RALGAPA2: variants seen among roughly 807,000 people sequenced by gnomAD.
RALGAPA2 encodes the protein Ral GTPase activating protein catalytic subunit alpha 2.
A neutral mutation model predicts 230.4 loss-of-function variants in RALGAPA2; 139 were observed. The ratio of observed to expected loss-of-function variants is 0.60; its 90% confidence interval spans 0.53 to 0.69. The LOEUF is 0.69. Ranked by LOEUF, RALGAPA2 falls within the 30% of genes least tolerant of loss-of-function variation. The probability of loss-of-function intolerance (pLI) is 0.00; values close to 1 mark genes in which losing one functional copy is unlikely to be tolerated. For missense variants in RALGAPA2, 2,163 were observed against 2,276.0 expected, an observed-to-expected ratio of 0.95 and a Z score of 1.01; for synonymous variants, 847 against 837.8, an observed-to-expected ratio of 1.01 and a Z score of -0.19.
intron 4 of RALGAPA2, among the ~76,000 whole-genome samples, chr20:20,652,817 T>C (rs2067450187): frequency 6.6e-6 from 1 of 152,206 alleles, no homozygotes; most frequent in African/African-American, 2.4e-5. Flanking sequence ...TAATTTGCTT[T>C]ATTTCAAGTT....
chr20:20,655,621 C>T (rs1218810854), intron 3 of RALGAPA2, among the ~76,000 whole-genome samples: 4 of 151,570 alleles, frequency 2.6e-5, no homozygotes, highest in Non-Finnish European at 4.4e-5. Context: ...GAGAGGCAGG[C>T]GAGGCTGGGG....
intron 16 of RALGAPA2, among the ~76,000 whole-genome samples, chr20:20,596,359 T>A (rs1282983280): frequency 6.6e-6 from 1 of 152,226 alleles, no homozygotes; most frequent in African/African-American, 2.4e-5. Flanking sequence ...AGCAATCATG[T>A]TAACTTAAAT....
intron 3 of RALGAPA2, among the ~76,000 whole-genome samples, chr20:20,658,998 T>C (rs2146654380): frequency 6.6e-6 from 1 of 151,840 alleles, no homozygotes; most frequent in Admixed American, 6.6e-5. Flanking sequence ...GAAAGCAGAG[T>C]GTGGGGAGCA....
intron 31 of RALGAPA2, among the ~76,000 whole-genome samples, chr20:20,518,567 G>A (rs1230736856): frequency 2.0e-5 from 3 of 152,134 alleles, no homozygotes; most frequent in Admixed American, 6.5e-5. Flanking sequence ...TAGTTAATAT[G>A]TCAGTGAATT....
chr20:20,500,069 TA>T (rs1191615819), intron 35 of RALGAPA2, among the ~76,000 whole-genome samples: 3 of 152,226 alleles, frequency 2.0e-5, no homozygotes, highest in African/African-American at 7.2e-5. Context: ...ATTTTATTGC[TA>T]AAAAATGCTA....
chr20:20,589,391 G>A, intron 17 of RALGAPA2, 26 bp from the exon 18 acceptor site: 2 of 1,555,460 alleles, frequency 1.3e-6, no homozygotes, highest in Non-Finnish European at 1.7e-6. Flanking sequence ...CAGGGGGGTA[G>A]CGGAAATAGA....
chr20:20,696,877 G>A (rs2069133167), intron 1 of RALGAPA2, among the ~76,000 whole-genome samples: 1 of 152,010 alleles, frequency 6.6e-6, no homozygotes, highest in Non-Finnish European at 1.5e-5. Context: ...ACCTGAAATT[G>A]TATCATATAT....
At chr20:20,585,146 A>C (rs896804114) in intron 18 of RALGAPA2, among the ~76,000 whole-genome samples, 191 bp from the exon 19 acceptor site, 1 of 152,224 alleles carries the variant, frequency 6.6e-6, no homozygotes, top group African/African-American at 2.4e-5. Flanking sequence ...AAGATCTGAA[A>C]CTTTAATTTA....
intron 37 of RALGAPA2, among the ~76,000 whole-genome samples, chr20:20,432,070 A>G (rs1211209918): frequency 6.6e-6 from 1 of 152,236 alleles, no homozygotes; most frequent in African/African-American, 2.4e-5. Context: ...TTTTTAAAGA[A>G]GCAGTTGGTG....
intron 37 of RALGAPA2, among the ~76,000 whole-genome samples, chr20:20,451,125 C>G (rs1424321284): frequency 6.6e-6 from 1 of 152,170 alleles, no homozygotes; most frequent in South Asian, 2.1e-4. Flanking sequence ...CAGCTTATTT[C>G]CAATGGCAAA....
At chr20:20,695,275 T>C (rs1204281559) in intron 1 of RALGAPA2, among the ~76,000 whole-genome samples, 2 of 152,222 alleles carry the variant, frequency 1.3e-5, no homozygotes, top group African/African-American at 4.8e-5. Context: ...GACCTAGTTA[T>C]CTGGAGAAGC....
At chr20:20,527,686 T>C (rs538326724) in intron 27 of RALGAPA2, among the ~76,000 whole-genome samples, 28 of 152,028 alleles carry the variant, frequency 1.8e-4, no homozygotes, top group African/African-American at 6.3e-4. Context: ...CTTCACAGCA[T>C]TACAGGCTAT....
chr20:20,686,771 A>G (rs2068716027), intron 1 of RALGAPA2, among the ~76,000 whole-genome samples: 1 of 152,136 alleles, frequency 6.6e-6, no homozygotes, highest in Non-Finnish European at 1.5e-5. Flanking sequence ...TCCACATATA[A>G]TCCTCTTCAA....
intron 31 of RALGAPA2, among the ~76,000 whole-genome samples, chr20:20,517,736 C>T (rs2062915394): frequency 6.6e-6 from 1 of 151,596 alleles, no homozygotes; most frequent in Non-Finnish European, 1.5e-5. Context: ...GTCTTCACCC[C>T]TAAAAGCAGC....
In RALGAPA2 at chr20:20,546,796, G is replaced by A. The variant is rs1013025602; in HGVS notation, c.3193C>T (p.Arg1065Cys). 2.0e-5 allele frequency: 32 copies of A among 1,609,950 alleles called. No homozygotes were observed. The East Asian group carries it at 2.5e-4, about 12-fold the overall frequency. ...LNTIIRHCPP[R>C]FFSLGFPGFS... Reference sequence around the variant, plus strand: ...CCAGGAAAACCCAGGGAGAAAAAGCGGGGTGGACAGTGCCTTATGATCGTA... The same window carrying A: ...CCAGGAAAACCCAGGGAGAAAAAGCAGGGTGGACAGTGCCTTATGATCGTA... Residue 1065 changes from arginine to cysteine, a missense_variant, in exon 24 of 40, where the codon CGC becomes TGC. Physicochemically the swap from Arg to Cys is radical, Grantham distance 180 (BLOSUM62 -3). Transcript: ENST00000202677.
chr20:20,396,837 G>A, intron 38 of RALGAPA2, 103 bp from the exon 39 acceptor site: 1 of 989,220 alleles, frequency 1.0e-6, no homozygotes, highest in African/African-American at 1.6e-5. Context: ...TCCCTGAGCT[G>A]CCCAAGCATT....
At chr20:20,611,538 A>G in intron 13 of RALGAPA2, 112 bp from the exon 14 acceptor site, 1 of 1,441,546 alleles carries the variant, frequency 6.9e-7, no homozygotes, top group South Asian at 1.7e-5. Flanking sequence ...ATTATGTATT[A>G]CTCGAAACTA....
At chr20:20,557,243 A>C (rs1196603918) in intron 23 of RALGAPA2, among the ~76,000 whole-genome samples, 2 of 152,076 alleles carry the variant, frequency 1.3e-5, no homozygotes, top group African/African-American at 4.8e-5. Flanking sequence ...CAGGAGGCGG[A>C]GGTTGCAGTG....
intron 37 of RALGAPA2, among the ~76,000 whole-genome samples, chr20:20,461,549 T>C (rs1046740813): frequency 9.2e-5 from 14 of 152,202 alleles, no homozygotes; most frequent in African/African-American, 3.1e-4. Context: ...GCAGCAGCTC[T>C]CTCCATCAGC....
Sources: gnomAD v4.1 joint callset for allele counts (sites outside exome capture counted in the v4.1 genomes callset) on GRCh38, gnomAD v4.1.1 for gene constraint, MANE v1.5 for transcripts, NCBI Gene and HGNC (gene_info 2026-07-23, HGNC 2026-07-21) for gene names.